The following COL11A2 variants were observed in gnomAD, a reference collection of about 807,000 sequenced individuals.
The protein encoded by COL11A2 is collagen type XI alpha 2 chain.
In COL11A2, 116 loss-of-function variants were observed where a neutral mutation model predicts 273.4. That is an observed-to-expected ratio of 0.42 (90% CI 0.36 to 0.49). The LOEUF (loss-of-function observed/expected upper bound fraction) is 0.49, where lower values mean the gene tolerates loss of function less well. Ranked by LOEUF, COL11A2 falls within the 20% of genes least tolerant of loss-of-function variation. The pLI is 0.00. For synonymous variants in COL11A2, 782 were observed against 864.2 expected, an observed-to-expected ratio of 0.90 and a Z score of 1.67; for missense variants, 1,866 against 2,309.0, an observed-to-expected ratio of 0.81 and a Z score of 3.93.
intron 3 of COL11A2, 121 bp downstream of exon 3, chr6:33,188,857 G>GT: frequency 1.7e-6 from 2 of 1,147,368 alleles, no homozygotes; most frequent in Non-Finnish European, 2.6e-6. Context: ...AGTTTGGGCA[G>GT]TGGGTAGGTG....
rs1305253283 is a variant in COL11A2 at position 33,169,952 on chromosome 6, T to C, written c.3637-68A>G. 6.2e-7 allele frequency: 1 copy of C among 1,612,646 alleles called. No individual in the cohort carries two copies. The highest frequency in any genetic ancestry group is 8.5e-7 in the Non-Finnish European group (1 of 1,178,904). On this transcript the variant is annotated intron_variant, in intron 49 of 65. Transcript: ENST00000341947. This position sits in a 1 kb window ranked among gnomAD's most constrained non-coding sequence, Gnocchi z 5.5. ...CCAAAAAATTCTGATATTCCCCACA[T>C]CTCATTCTCTTTTGTCTCCCCACCC...
chr6:33,177,614 G>A lies in COL11A2; in HGVS notation c.1917+48C>T. Reference sequence around the variant, plus strand: ...TGGCGGCCAACAGGATGCTGGCAGGGACCTCGGGGGATAAGAATGGGGGTG... The same window carrying A: ...TGGCGGCCAACAGGATGCTGGCAGGAACCTCGGGGGATAAGAATGGGGGTG... On this transcript the variant is annotated intron_variant, in intron 22 of 65. Transcript: ENST00000341947. This position sits in a 1 kb window ranked among gnomAD's most constrained non-coding sequence, Gnocchi z 5.9. The A allele has an allele frequency of 1.2e-6, 2 of 1,609,486 alleles. No homozygotes were observed. Among genetic ancestry groups the A allele is most frequent in the Non-Finnish European group, 1.7e-6 (2 of 1,176,992 alleles).
At chr6:33,180,784 C>T (rs1771629289) in intron 10 of COL11A2, 54 bp from the exon 11 acceptor site, 4 of 1,595,948 alleles carry the variant, frequency 2.5e-6, no homozygotes, top group Non-Finnish European at 3.4e-6. Context: ...GGTGTGGACA[C>T]TCAGCCTGTG....
At chr6:33,180,363 G>C (rs1011576829) in intron 11 of COL11A2, 31 bp from the exon 12 acceptor site, 52 of 1,576,928 alleles carry the variant, frequency 3.3e-5, no homozygotes, top group Non-Finnish European at 4.4e-5. Flanking sequence ...AAAAGATGGG[G>C]TGAAAGATAA....
intron 39 of COL11A2, 26 bp from the exon 40 acceptor site, chr6:33,172,404 C>A: frequency 6.4e-7 from 1 of 1,568,634 alleles, no homozygotes; most frequent in East Asian, 2.3e-5. Flanking sequence ...AGGTGATGAG[C>A]CACAGCCATG....
At chr6:33,174,114 C>G (rs1308492061) in intron 32 of COL11A2, 51 bp downstream of exon 32, 2 of 1,611,178 alleles carry the variant, frequency 1.2e-6, no homozygotes, top group African/African-American at 2.7e-5. Context: ...CAGACCCCCT[C>G]TACACCTCTC....
chr6:33,186,424 A>G, intron 5 of COL11A2: 1 of 1,437,894 alleles, frequency 7.0e-7, no homozygotes, highest in Non-Finnish European at 9.1e-7. Flanking sequence ...CAGAGCAGGG[A>G]ACACAGCTCC....
At chr6:33,181,358 C>T (rs1271655348) in intron 8 of COL11A2, among the ~76,000 whole-genome samples, 188 bp from the exon 9 acceptor site, 1 of 138,088 alleles carries the variant, frequency 7.2e-6, no homozygotes, top group Admixed American at 7.0e-5. Context: ...AAGGAGACCT[C>T]AGGGTTCCCT....
Position 33,165,689 on chromosome 6 carries a change from G to C in COL11A2, c.4610C>G (p.Pro1537Arg). Residue 1537 changes from proline to arginine, a missense_variant, in exon 63 of 66, where the codon CCT (proline) becomes CGT (arginine). Physicochemically the swap from Pro to Arg is moderately radical, Grantham distance 103. Transcript: ENST00000341947. This position sits in a 1 kb window ranked among gnomAD's most constrained non-coding sequence, Gnocchi z 7.7. ...GCCAAAGATCTCCTCCAGCCCCCCAGGACTGCCGGGGGCTCCCCCGGTCGG... is the reference window on the plus strand; with the variant it reads ...GCCAAAGATCTCCTCCAGCCCCCCACGACTGCCGGGGGCTCCCCCGGTCGG... The part of the protein sequence containing the change: ...AIPTGGAPGS[P>R]GGLEEIFGSL... 1 of 1,611,296 alleles carries C rather than the reference G, an allele frequency of 6.2e-7. No homozygotes were observed. The highest frequency in any genetic ancestry group is 8.5e-7 in the Non-Finnish European group (1 of 1,179,956).
At chr6:33,186,024 C>T (rs1772375974) in intron 5 of COL11A2, among the ~76,000 whole-genome samples, 2 of 151,832 alleles carry the variant, frequency 1.3e-5, no homozygotes, top group South Asian at 4.2e-4. Context: ...GAGATTGACC[C>T]TCTGATCTTT....
intron 42 of COL11A2, 41 bp downstream of exon 42, chr6:33,171,672 G>A (rs777318106): frequency 2.6e-5 from 42 of 1,601,610 alleles, no homozygotes; most frequent in Non-Finnish European, 3.4e-5. Context: ...TAGGCTCACA[G>A]ACCCCTCCCC....
At chr6:33,168,905 C>CA in intron 52 of COL11A2, 50 bp downstream of exon 52, 1 of 1,602,180 alleles carries the variant, frequency 6.2e-7, no homozygotes, top group Non-Finnish European at 8.5e-7. Context: ...AGGACCCCCC[C>CA]ATAGAAGCCC....
At chr6:33,191,860 T>C (rs1050001627) in intron 1 of COL11A2, among the ~76,000 whole-genome samples, 1 of 152,194 alleles carries the variant, frequency 6.6e-6, no homozygotes, top group African/African-American at 2.4e-5. Flanking sequence ...GGGCTGGCCC[T>C]GGCCATCTTC....
In COL11A2 at chr6:33,184,248, G is replaced by A. The variant is rs989554464; in HGVS notation, c.1016C>T (p.Pro339Leu). The A allele has an allele frequency of 2.9e-6, 4 of 1,367,540 alleles. No homozygotes were observed. Among genetic ancestry groups the A allele is most frequent in the South Asian group, 2.3e-5 (2 of 88,052 alleles). 84.7% of individuals were successfully genotyped at this position (1,367,540 alleles called of 1,614,324 possible). A position where few individuals can be genotyped will look rare whatever the true frequency, so the allele number is the denominator to read the frequency against. ...AEEYGEGGTD[P>L]PEGPYDYTYG... ...GGTGTAATCGTAGGGCCCTTCAGGG[G>A]GGTCTGTGCCACCCTCCCCATATTC... The change falls in exon 8 of 66, where the codon CCC (proline) becomes CTC (leucine). Residue 339 changes from proline (P) to leucine (L), a missense_variant. By Grantham distance (98) the Pro-to-Leu change is moderately conservative. Transcript: ENST00000341947.
chr6:33,170,743 A>T lies in COL11A2; in HGVS notation c.3474+67T>A. The T allele has an allele frequency of 2.5e-6, 4 of 1,593,240 alleles. No homozygotes were observed. ...GTCTGCATCGGCAGGCTGCTGGCAGAGTCTGGGGCAAAACATCACCCCATC... is the reference window on the plus strand; with the variant it reads ...GTCTGCATCGGCAGGCTGCTGGCAGTGTCTGGGGCAAAACATCACCCCATC... On this transcript the variant is annotated intron_variant, in intron 46 of 65. Transcript: ENST00000341947. This position sits in a 1 kb window ranked among gnomAD's most constrained non-coding sequence, Gnocchi z 4.3.
chr6:33,173,383 C>T lies in COL11A2; in HGVS notation c.2701G>A (p.Gly901Arg), dbSNP rs761657572. The change falls in exon 37 of 66, where the codon GGG (glycine) becomes AGG (arginine). Residue 901 changes from glycine (G) to arginine (R), a missense_variant. Coordinates refer to ENST00000341947, the MANE Select transcript of COL11A2 (RefSeq NM_080680.3). The surrounding 1 kb of genome is among the most constrained non-coding windows in gnomAD (Gnocchi z 6.3). ...CTTTGGCCTGGGTGTCCCGGCAGCC[C>T]ATCCTTCCCAGGGGGGCCCTGGAAG... ...KGPPGPPGKD[G>R]LPGHPGQRGE... 5 of 1,613,016 alleles carry T rather than the reference C, an allele frequency of 3.1e-6. No individual in the cohort carries two copies. Among genetic ancestry groups the T allele is most frequent in the East Asian group, 2.2e-5 (1 of 44,872 alleles).
At position 33,176,356 on chromosome 6, in the gene COL11A2, G is replaced by A. The variant is rs1770904064; in HGVS notation, c.2170-53C>T. ...ACTGATCAGGGGATGGAGGTGGGTT[G>A]GAAGGACCAAGCTCCTAAGACCCCA... On this transcript the variant is annotated intron_variant, in intron 27 of 65. Coordinates refer to ENST00000341947, the MANE Select transcript of COL11A2 (RefSeq NM_080680.3). The surrounding 1 kb of genome is among the most constrained non-coding windows in gnomAD (Gnocchi z 4.9). 1 of 1,599,528 alleles carries A rather than the reference G, an allele frequency of 6.3e-7. No homozygotes were observed. The highest frequency in any genetic ancestry group is 8.5e-7 in the Non-Finnish European group (1 of 1,171,904).
Position 33,174,000 on chromosome 6 carries a change from C to G in COL11A2, c.2529+11G>C, listed in dbSNP as rs771287185. On this transcript the variant is annotated intron_variant, in intron 33 of 65. Coordinates refer to ENST00000341947, the MANE Select transcript of COL11A2 (RefSeq NM_080680.3). This position sits in a 1 kb window ranked among gnomAD's most constrained non-coding sequence, Gnocchi z 6.3. ...GACCTTGAGCCACCTGTTTCTCTCCCCTGCACTCACCGTGGGGCCCCGTTC... is the reference window on the plus strand; with the variant it reads ...GACCTTGAGCCACCTGTTTCTCTCCGCTGCACTCACCGTGGGGCCCCGTTC... 3.1e-6 allele frequency: 5 copies of G among 1,614,048 alleles called. No individual in the cohort carries two copies. Among genetic ancestry groups the G allele is most frequent in the Non-Finnish European group, 4.2e-6 (5 of 1,179,994 alleles).
chr6:33,186,680 G>A lies in COL11A2; in HGVS notation c.745C>T (p.Gln249Ter). The change falls in exon 5 of 66, where the codon CAG becomes TAG. Residue 249 changes from glutamine to a stop codon, truncating the protein, a stop_gained. Transcript: ENST00000341947. LOFTEE classifies it high-confidence loss of function. ...CTGTGAAGTCTTGATGGTTGCTGCTGTGGAGATCTCTGGGCTCTGTGAGGC... is the reference window on the plus strand; with the variant it reads ...CTGTGAAGTCTTGATGGTTGCTGCTATGGAGATCTCTGGGCTCTGTGAGGC... ...QQPHRAQRSP[Q>*]QQPSRLHRPQ... The A allele has an allele frequency of 6.2e-7, 1 of 1,614,086 alleles. No homozygotes were observed. Among genetic ancestry groups the A allele is most frequent in the Non-Finnish European group, 8.5e-7 (1 of 1,180,018 alleles).
Sources: allele counts gnomAD v4.1 joint callset (sites outside exome capture counted in the v4.1 genomes callset), GRCh38; gene constraint gnomAD v4.1.1; non-coding constraint Gnocchi (gnomAD v3.1); transcripts MANE v1.5; gene names NCBI Gene and HGNC (gene_info 2026-07-23, HGNC 2026-07-21).